Variants in CD36 observed in about 807,000 individuals in gnomAD.
CD36 encodes the protein platelet glycoprotein 4.
CD36 carries 119 observed loss-of-function variants against 55.2 expected under a neutral mutation model. The ratio of observed to expected loss-of-function variants is 2.15; its 90% confidence interval spans 1.86 to 2.51. The LOEUF is 2.51. Among genes scored for constraint, CD36 ranks in the 30% most tolerant of loss-of-function variants. The probability of loss-of-function intolerance (pLI) is 0.00; values close to 1 mark genes in which losing one functional copy is unlikely to be tolerated. For synonymous variants in CD36, 186 were observed against 193.6 expected (o/e 0.96, Z 0.33); for missense variants, 819 against 555.5 (o/e 1.47, Z -4.77).
rs535076422 is a variant in CD36 at position 80,618,162 on chromosome 7, T to A, written c.-184+15783T>A. The stretch of plus-strand genomic sequence containing the variant: ...CTGAGTGCAGCAGCCAGCATTTAAC[T>A]CTTAGCTCAGCACTGTTTGACTTTG... On this transcript the variant is annotated intron_variant, in intron 1 of 13. Coordinates refer to the CD36 transcript ENST00000309881. 6.6e-5 allele frequency among the ~76,000 whole-genome samples: 10 copies of A among 152,290 alleles called. No individual in the cohort carries two copies. In the East Asian group the frequency reaches 1.7e-3, roughly 26 times the overall value.
chr7:80,666,299 A>G (rs1276024958), intron 7 of CD36, 144 bp from the exon 8 acceptor site: 1 of 657,966 alleles, frequency 1.5e-6, no homozygotes, highest in African/African-American at 1.8e-5. Context: ...AAACATAAAC[A>G]GAATTGAACA....
rs1798012630 is a variant in CD36 at position 80,674,061 on chromosome 7, G to T, written c.1333G>T (p.Glu445Ter). 6.2e-7 allele frequency: 1 copy of T among 1,611,902 alleles called. No homozygotes were observed. The part of the protein sequence containing the change: ...TGKINLLGLI[E>*]MILLSVGVVM... ...AAAAATAAACCTCCTTGGCCTGATAGAAATGATCTTACTCAGTGTTGGTGT... is the reference window on the plus strand; with the variant it reads ...AAAAATAAACCTCCTTGGCCTGATATAAATGATCTTACTCAGTGTTGGTGT... Residue 445 changes from glutamate to a stop codon, truncating the protein, a stop_gained, in exon 14 of 15, where the codon GAA becomes TAA. Transcript: ENST00000447544. LOFTEE classifies it high-confidence loss of function.
Position 80,674,059 on chromosome 7 carries a change from T to G in CD36, c.1331T>G (p.Ile444Arg), listed in dbSNP as rs968748991. ...GGAAAAATAAACCTCCTTGGCCTGA[T>G]AGAAATGATCTTACTCAGTGTTGGT... Reference protein sequence around the residue: ...VTGKINLLGLIEMILLSVGVV... With the variant: ...VTGKINLLGLREMILLSVGVV... Residue 444 changes from isoleucine to arginine, a missense_variant, in exon 14 of 15, where the codon ATA (isoleucine) becomes AGA (arginine). Physicochemically the swap from Ile to Arg is moderately conservative, Grantham distance 97. Transcript: ENST00000447544. 2 of 1,611,992 alleles carry G rather than the reference T, an allele frequency of 1.2e-6. No homozygotes were observed. Among genetic ancestry groups the G allele is most frequent in the Admixed American group, 1.7e-5 (1 of 59,860 alleles).
chr7:80,647,631 A>G (rs1004107303), intron 3 of CD36, among the ~76,000 whole-genome samples: 15 of 152,160 alleles, frequency 9.9e-5, no homozygotes, highest in African/African-American at 3.4e-4. Flanking sequence ...AATAAAGGGA[A>G]GCAGTTCTGC....
At chr7:80,630,878 T>A (rs1562780632) in intron 1 of CD36, among the ~76,000 whole-genome samples, 1 of 152,006 alleles carries the variant, frequency 6.6e-6, no homozygotes, top group East Asian at 1.9e-4. Flanking sequence ...GAAAGCACAG[T>A]GTGGTTAACA....
At chr7:80,641,599 G>A (rs1035451075) in intron 1 of CD36, among the ~76,000 whole-genome samples, 3 of 152,058 alleles carry the variant, frequency 2.0e-5, no homozygotes, top group Non-Finnish European at 4.4e-5. Flanking sequence ...TGATCAGTAA[G>A]AAAATGTCAT....
At chr7:80,665,033 T>G (rs1465629589) in intron 7 of CD36, among the ~76,000 whole-genome samples, 1 of 152,110 alleles carries the variant, frequency 6.6e-6, no homozygotes, top group Non-Finnish European at 1.5e-5. Flanking sequence ...AAATAGTCTT[T>G]AATAATTTTC....
intron 1 of CD36, among the ~76,000 whole-genome samples, chr7:80,616,637 A>G (rs1381767292): frequency 6.6e-6 from 1 of 152,170 alleles, no homozygotes; most frequent in Non-Finnish European, 1.5e-5. Context: ...TTTGCCTGCA[A>G]GTAACAAAGT....
intron 1 of CD36, among the ~76,000 whole-genome samples, chr7:80,611,716 T>C (rs755143734): frequency 5.9e-5 from 9 of 152,096 alleles, no homozygotes; most frequent in Admixed American, 1.3e-4. Flanking sequence ...CTGAAGGAAA[T>C]AGAGATTTGC....
chr7:80,620,180 C>CCA lies in CD36; in HGVS notation c.-184+17811_-184+17812dup, dbSNP rs553514439. ...CGATGACAAGAAGTGTGGGGGTTTT[C>CCA]CACACACACACCAAGCAGCAAACAC... On this transcript the variant is annotated intron_variant, in intron 1 of 13. Coordinates refer to the CD36 transcript ENST00000309881. Among the ~76,000 whole-genome samples, 61 of 151,994 alleles carry CCA rather than the reference C, an allele frequency of 4.0e-4. 1 individual carries two copies. The South Asian group carries it at 0.012, about 30-fold the overall frequency.
intron 1 of CD36, among the ~76,000 whole-genome samples, chr7:80,616,170 AT>A (rs1793139790): frequency 6.6e-6 from 1 of 152,180 alleles, no homozygotes; most frequent in Non-Finnish European, 1.5e-5. Context: ...GTAAAAATGC[AT>A]TTAATACATC....
chr7:80,614,866 G>A (rs1793062814), intron 1 of CD36, among the ~76,000 whole-genome samples: 1 of 152,108 alleles, frequency 6.6e-6, no homozygotes. Context: ...GAAATGCTAA[G>A]TCCTTTGTTC....
Position 80,656,680 on chromosome 7 carries a change from A to G in CD36, c.261A>G (p.Gln87=), listed in dbSNP as rs763341431. The G allele has an allele frequency of 3.7e-6, 6 of 1,613,716 alleles. No homozygotes were observed. In the South Asian group the frequency reaches 6.6e-5, roughly 18 times the overall value. ...ACAGCAGCAACATTCAAGTTAAGCA[A>G]AGAGGTCCTTATACGTACAGGTGAG... ...MMNSSNIQVK[Q]RGPYTYRVRF... The change falls in exon 4 of 15, where the codon CAA becomes CAG. Residue 87 remains glutamine (Q), a synonymous_variant. Coordinates refer to ENST00000447544, the MANE Select transcript of CD36 (RefSeq NM_001001548.3).
intron 1 of CD36, among the ~76,000 whole-genome samples, chr7:80,617,332 A>G (rs1248772517): frequency 6.6e-6 from 1 of 152,058 alleles, no homozygotes; most frequent in African/African-American, 2.4e-5. Context: ...CCTCCATGAC[A>G]CAGTTTACCT....
rs778804205 is a variant in CD36 at position 80,670,021 on chromosome 7, A to G, written c.817A>G (p.Arg273Gly). ...GCAGTTCTTTTCTTCTGATATTTGC[A>G]GGTAAGACAGATACTGAAGTATAAG... is the stretch of plus-strand genomic sequence containing the variant. ...VLQFFSSDIC[R>G]SIYAVFESDV... is the part of the protein sequence containing the mutation. Residue 273 changes from arginine (R) to glycine (G), a missense_variant and splice_region_variant, in exon 9 of 15, where the codon AGG becomes GGG. Arg to Gly is a moderately radical substitution (Grantham distance 125). Coordinates refer to ENST00000447544, the MANE Select transcript of CD36 (RefSeq NM_001001548.3). The G allele has an allele frequency of 4.4e-6, 7 of 1,591,090 alleles. No individual in the cohort carries two copies. The African/African-American group carries it at 6.7e-5, about 15-fold the overall frequency.
intron 3 of CD36, among the ~76,000 whole-genome samples, chr7:80,653,618 C>G (rs1358870659): frequency 6.6e-6 from 1 of 152,124 alleles, no homozygotes; most frequent in Non-Finnish European, 1.5e-5. Flanking sequence ...TCTTATATCA[C>G]TTTTTCTGTG....
intron 8 of CD36, among the ~76,000 whole-genome samples, chr7:80,669,417 A>G (rs930549519): frequency 1.3e-5 from 2 of 152,146 alleles, no homozygotes; most frequent in Non-Finnish European, 2.9e-5. Flanking sequence ...TTGGATATTA[A>G]TAAGTTAAAT....
At chr7:80,613,497 T>C (rs1430424139) in intron 1 of CD36, among the ~76,000 whole-genome samples, 1 of 152,138 alleles carries the variant, frequency 6.6e-6, no homozygotes, top group Non-Finnish European at 1.5e-5. Context: ...CTCCTTAAGG[T>C]CTATCTTTTC....
At chr7:80,642,733 A>G (rs1052808487) in intron 1 of CD36, among the ~76,000 whole-genome samples, 1 of 152,160 alleles carries the variant, frequency 6.6e-6, no homozygotes, top group African/African-American at 2.4e-5. Context: ...GAGGCAATCA[A>G]TCAGTTGAAA....
Sources: allele counts gnomAD v4.1 joint callset (sites outside exome capture counted in the v4.1 genomes callset), GRCh38; gene constraint gnomAD v4.1.1; transcripts MANE v1.5; gene names NCBI Gene and HGNC (gene_info 2026-07-23, HGNC 2026-07-21).